The following ERC2 variants were observed in gnomAD, a reference collection of about 807,000 sequenced individuals.
ERC2 encodes the protein ELKS/RAB6-interacting/CAST family member 2, also known as ERC protein 2.
Under a neutral mutation model 114.8 loss-of-function variants are expected in ERC2, and 42 were observed. The ratio of observed to expected loss-of-function variants is 0.37; its 90% confidence interval spans 0.29 to 0.47. ERC2 has a LOEUF of 0.47. Among genes scored for constraint, ERC2 ranks in the 20% least tolerant of loss-of-function variants. The pLI, the probability that ERC2 is intolerant of heterozygous loss-of-function variation, is 0.99. For missense variants in ERC2, 939 were observed against 1,150.7 expected (o/e 0.82, Z 2.66); for synonymous variants, 454 against 425.5 (o/e 1.07, Z -0.82).
rs749739992 is a variant in ERC2 at position 55,734,798 on chromosome 3, G to T, written c.2685C>A (p.Asp895Glu). 11 of 1,612,982 alleles carry T rather than the reference G, an allele frequency of 6.8e-6. No individual in the cohort carries two copies. Among genetic ancestry groups the T allele is most frequent in the Non-Finnish European group, 8.5e-6 (10 of 1,179,436 alleles). The stretch of plus-strand genomic sequence containing the variant: ...GCTGCTTTAATTGATGTACTAGTCG[G>T]TCTTTTTCCCGCTTGAGGGCCATGA... ...EEVMALKREK[D>E]RLVHQLKQQT... Residue 895 changes from aspartate (D) to glutamate (E), a missense_variant, in exon 15 of 18, where the codon GAC becomes GAA. By Grantham distance (45) the Asp-to-Glu change is conservative (BLOSUM62 2). This residue lies in a region of ERC2 where 328 missense variants were observed against 353.9 expected (regional missense o/e 0.93). Transcript: ENST00000288221.
At chr3:56,271,905 A>G (rs913886022) in intron 3 of ERC2, among the ~76,000 whole-genome samples, 3 of 152,176 alleles carry the variant, frequency 2.0e-5, no homozygotes, top group African/African-American at 7.2e-5. Context: ...AGCTCCATCC[A>G]TGTTGCTGCA....
At chr3:55,633,481 C>T (rs2059836943) in intron 17 of ERC2, among the ~76,000 whole-genome samples, 1 of 152,132 alleles carries the variant, frequency 6.6e-6, no homozygotes, top group Admixed American at 6.5e-5. Context: ...TGGAAAAACA[C>T]TGAGTGGCAT....
At chr3:56,361,370 GAGAAAGCA>G (rs1199764029) in intron 2 of ERC2, among the ~76,000 whole-genome samples, 31 of 152,150 alleles carry the variant, frequency 2.0e-4, no homozygotes, top group African/African-American at 4.3e-4. Flanking sequence ...CAGCCTACTA[GAGAAAGCA>G]ATTAAGGATC....
chr3:56,324,873 C>T (rs1431685311), intron 2 of ERC2, among the ~76,000 whole-genome samples: 1 of 151,842 alleles, frequency 6.6e-6, no homozygotes, highest in Non-Finnish European at 1.5e-5. Context: ...GACACTCTTG[C>T]TTCCAGGATG....
intron 2 of ERC2, among the ~76,000 whole-genome samples, chr3:56,311,133 T>C (rs1167448015): frequency 6.6e-6 from 1 of 150,628 alleles, no homozygotes; most frequent in African/African-American, 2.5e-5. Context: ...TTTTTACAGA[T>C]CATAATAGAT....
intron 6 of ERC2, among the ~76,000 whole-genome samples, chr3:56,090,020 C>A (rs970097717): frequency 2.0e-5 from 3 of 152,122 alleles, no homozygotes; most frequent in African/African-American, 7.2e-5. Flanking sequence ...CTGACCTCTA[C>A]AAAAGAAAAT....
At chr3:55,699,631 C>T (rs894889309) in intron 15 of ERC2, 119 bp from the exon 16 acceptor site, 23 of 1,147,354 alleles carry the variant, frequency 2.0e-5, no homozygotes, top group African/African-American at 3.1e-5. Context: ...GGAATTTTCA[C>T]TGTTAGTCAA....
intron 2 of ERC2, among the ~76,000 whole-genome samples, chr3:56,398,582 T>C (rs2060402549): frequency 6.6e-6 from 1 of 152,118 alleles, no homozygotes; most frequent in Non-Finnish European, 1.5e-5. Context: ...TATATACACA[T>C]ACATATACAT....
intron 2 of ERC2, among the ~76,000 whole-genome samples, chr3:56,389,613 C>G (rs921140482): frequency 1.4e-4 from 22 of 152,182 alleles, no homozygotes; most frequent in Admixed American, 1.4e-3. Flanking sequence ...TTAGGTCAAG[C>G]CTGTGATCTC....
intron 2 of ERC2, among the ~76,000 whole-genome samples, chr3:56,371,786 G>C (rs1262645417): frequency 6.6e-6 from 1 of 152,170 alleles, no homozygotes. Flanking sequence ...CCTATGTCAG[G>C]GCATAGCCAC....
In ERC2 at chr3:56,165,777, A is replaced by C. The variant is rs573102701; in HGVS notation, c.1149+7669T>G. On this transcript the variant is annotated intron_variant, in intron 4 of 17. Transcript: ENST00000288221. ...GTACAAATAAGATTCATTTTAAAATACTGGCCAGCCATTTGGCTAAATTTA... is the reference window on the plus strand; with the variant it reads ...GTACAAATAAGATTCATTTTAAAATCCTGGCCAGCCATTTGGCTAAATTTA... 4.6e-5 allele frequency among the ~76,000 whole-genome samples: 7 copies of C among 150,876 alleles called. No individual in the cohort carries two copies. In the East Asian group the frequency reaches 1.2e-3, roughly 25 times the overall value.
intron 17 of ERC2, among the ~76,000 whole-genome samples, chr3:55,553,916 C>T (rs75820222): frequency 2.2e-4 from 34 of 152,224 alleles, no homozygotes; most frequent in African/African-American, 7.7e-4. Context: ...AACTTTAGGA[C>T]GTGGGAATAT....
At chr3:56,214,822 G>C (rs1206761184) in intron 3 of ERC2, among the ~76,000 whole-genome samples, 1 of 152,208 alleles carries the variant, frequency 6.6e-6, no homozygotes, top group East Asian at 1.9e-4. Context: ...AGCCAGAAGA[G>C]AGTGGGGGCC....
At chr3:56,072,745 G>T (rs138960318) in intron 7 of ERC2, among the ~76,000 whole-genome samples, 8 of 152,198 alleles carry the variant, frequency 5.3e-5, no homozygotes, top group African/African-American at 1.9e-4. Flanking sequence ...TCATATTAAA[G>T]GTCACTATTT....
intron 3 of ERC2, among the ~76,000 whole-genome samples, chr3:56,241,949 C>T (rs1237120638): frequency 3.3e-5 from 5 of 152,124 alleles, no homozygotes; most frequent in African/African-American, 2.4e-5. Flanking sequence ...TTCCATGCTA[C>T]AATGGCAGCA....
intron 3 of ERC2, among the ~76,000 whole-genome samples, chr3:56,189,690 T>C (rs1051707102): frequency 6.6e-6 from 1 of 152,172 alleles, no homozygotes; most frequent in East Asian, 1.9e-4. Flanking sequence ...CCCATAGAAT[T>C]TTCCAACATT....
chr3:55,714,663 G>GTA (rs2063983166), intron 15 of ERC2, among the ~76,000 whole-genome samples: 6 of 92,208 alleles, frequency 6.5e-5, no homozygotes, highest in East Asian at 3.1e-4. Context: ...GTGTGTGTGT[G>GTA]TGTGTATATA....
At chr3:56,290,724 A>G (rs1392630579) in intron 3 of ERC2, among the ~76,000 whole-genome samples, 1 of 152,240 alleles carries the variant, frequency 6.6e-6, no homozygotes, top group Non-Finnish European at 1.5e-5. Flanking sequence ...CTGAAAGCTT[A>G]AGAAATTCCA....
At chr3:55,578,099 G>A (rs756666586) in intron 17 of ERC2, among the ~76,000 whole-genome samples, 14 of 152,138 alleles carry the variant, frequency 9.2e-5, no homozygotes, top group Admixed American at 2.6e-4. Flanking sequence ...TTCCCACTTA[G>A]GGCCATCCTC....
Sources: gnomAD v4.1 joint callset for allele counts (sites outside exome capture counted in the v4.1 genomes callset) on GRCh38, gnomAD v4.1.1 for gene constraint, gnomAD v4.1.1 regional missense constraint, MANE v1.5 for transcripts, NCBI Gene and HGNC (gene_info 2026-07-23, HGNC 2026-07-21) for gene names.